ZBTB7C: variants seen among roughly 807,000 people sequenced by gnomAD.
ZBTB7C encodes the protein zinc finger and BTB domain-containing protein 7C.
Under a neutral mutation model 25.7 loss-of-function variants are expected in ZBTB7C, and 8 were observed. That is an observed-to-expected ratio of 0.31 (90% confidence interval 0.18 to 0.56). The LOEUF (loss-of-function observed/expected upper bound fraction) is 0.56, where lower values mean the gene tolerates loss of function less well. Ranked by LOEUF, ZBTB7C falls within the 20% of genes least tolerant of loss-of-function variation. The pLI is 0.91. For synonymous variants in ZBTB7C, 394 were observed against 369.0 expected (o/e 1.07, Z -0.78); for missense variants, 824 against 855.2 (o/e 0.96, Z 0.46).
At chr18:48,209,389 T>G (rs1367182929) in intron 2 of ZBTB7C, among the ~76,000 whole-genome samples, 1 of 152,250 alleles carries the variant, frequency 6.6e-6, no homozygotes, top group Non-Finnish European at 1.5e-5. Context: ...AATTCTGCTT[T>G]TAACAAACTT....
chr18:48,040,205 TG>T lies in ZBTB7C; in HGVS notation c.902del (p.Pro301HisfsTer38). On this transcript the variant is annotated frameshift_variant, in exon 4 of 5. Transcript: ENST00000590800. LOFTEE classifies it high-confidence loss of function. Reference sequence around the variant, plus strand: ...AGAAGTCATTAGGGAAGGGTGGCGGTGGGGGTGGGGGCAGCTCCTCCTTCTC... The same window carrying T: ...AGAAGTCATTAGGGAAGGGTGGCGGTGGGGTGGGGGCAGCTCCTCCTTCTC... ...EEEKEELPPP[P>X]PPPFPNDFFK... The T allele has an allele frequency of 6.4e-7, 1 of 1,569,746 alleles. No individual in the cohort carries two copies. Among genetic ancestry groups the T allele is most frequent in the Non-Finnish European group, 8.6e-7 (1 of 1,160,090 alleles).
At chr18:48,111,955 G>C (rs905974598) in intron 3 of ZBTB7C, among the ~76,000 whole-genome samples, 8 of 152,096 alleles carry the variant, frequency 5.3e-5, no homozygotes, top group African/African-American at 1.9e-4. Flanking sequence ...AAAATGGTTT[G>C]TTAAATAATA....
At chr18:48,108,495 C>A (rs1400863495) in intron 3 of ZBTB7C, among the ~76,000 whole-genome samples, 1 of 152,120 alleles carries the variant, frequency 6.6e-6, no homozygotes, top group Non-Finnish European at 1.5e-5. Context: ...TGCAGTGGCA[C>A]AATCGTAGCT....
intron 2 of ZBTB7C, among the ~76,000 whole-genome samples, chr18:48,222,835 G>A (rs1404583450): frequency 6.6e-6 from 1 of 152,210 alleles, no homozygotes; most frequent in Non-Finnish European, 1.5e-5. Context: ...ACCAGCTCTG[G>A]AAGCCTTGCC....
upstream of ZBTB7C, among the ~76,000 whole-genome samples, chr18:48,409,581 C>T (rs1403614123): frequency 6.7e-6 from 1 of 149,550 alleles, no homozygotes. Context: ...CGCCCGCCCC[C>T]TCCCCGCCGC....
At chr18:48,353,292 A>G (rs9964069) in intron 1 of ZBTB7C, among the ~76,000 whole-genome samples, 94,713 of 151,948 alleles carry the variant, frequency 0.62, 30,123 homozygotes, top group East Asian at 0.95. Context: ...CAAATAGAGT[A>G]TTCTATTTAC....
intron 3 of ZBTB7C, among the ~76,000 whole-genome samples, chr18:48,103,831 C>A (rs2038933646): frequency 6.6e-6 from 1 of 151,682 alleles, no homozygotes; most frequent in African/African-American, 2.4e-5. Context: ...AAGAGGCCAG[C>A]CACCAAGGAC....
intron 3 of ZBTB7C, among the ~76,000 whole-genome samples, chr18:48,061,218 T>C (rs2037114763): frequency 6.6e-6 from 1 of 151,880 alleles, no homozygotes; most frequent in East Asian, 1.9e-4. Flanking sequence ...GAGAAAAGGG[T>C]CATGAGGAAG....
At chr18:48,193,580 C>T (rs1232966100) in intron 2 of ZBTB7C, among the ~76,000 whole-genome samples, 2 of 152,180 alleles carry the variant, frequency 1.3e-5, no homozygotes, top group South Asian at 4.1e-4. Context: ...TAGGAGAAAC[C>T]TTGTGTTTGT....
At chr18:48,086,988 A>G (rs1335780763) in intron 3 of ZBTB7C, among the ~76,000 whole-genome samples, 1 of 152,010 alleles carries the variant, frequency 6.6e-6, no homozygotes, top group Non-Finnish European at 1.5e-5. Flanking sequence ...TTTTTCAGTA[A>G]CTCCTCCCAG....
intron 3 of ZBTB7C, among the ~76,000 whole-genome samples, chr18:48,117,739 T>A (rs186223278): frequency 3.7e-4 from 57 of 152,270 alleles, no homozygotes; most frequent in African/African-American, 1.1e-3. Flanking sequence ...GCCTTTATGG[T>A]GTCTAATGAG....
Position 48,029,854 on chromosome 18 carries a change from G to A in ZBTB7C, c.1266C>T (p.Cys422=), listed in dbSNP as rs781069515. ...RKHTGERPYL[C]IHCNAKFVHN... ...GCACGAACTTGGCGTTGCAGTGGAT[G>A]CACAGGTAGGGCCGCTCCCCTGTGT... Residue 422 remains cysteine (C), a synonymous_variant, in exon 5 of 5, where the codon TGC becomes TGT. Coordinates refer to ENST00000590800, the MANE Select transcript of ZBTB7C (RefSeq NM_001318841.2). The A allele has an allele frequency of 1.9e-6, 3 of 1,611,000 alleles. No individual in the cohort carries two copies. The Admixed American group carries it at 5.0e-5, about 27-fold the overall frequency.
intron 1 of ZBTB7C, among the ~76,000 whole-genome samples, chr18:48,367,950 C>T (rs1231076347): frequency 4.0e-5 from 6 of 150,152 alleles, no homozygotes; most frequent in African/African-American, 1.5e-4. Flanking sequence ...CATGGTGCCC[C>T]CAGCCCTCCA....
intron 3 of ZBTB7C, among the ~76,000 whole-genome samples, chr18:48,179,931 C>T (rs1247761398): frequency 1.7e-5 from 2 of 118,626 alleles, no homozygotes; most frequent in South Asian, 2.6e-4. Flanking sequence ...CCTTCCTTCC[C>T]TGCTTCCTTC....
chr18:48,373,289 C>T (rs959520978), intron 1 of ZBTB7C, among the ~76,000 whole-genome samples: 1 of 151,598 alleles, frequency 6.6e-6, no homozygotes, highest in Non-Finnish European at 1.5e-5. Context: ...ACCTCCTGAC[C>T]CCTCTTGCTC....
chr18:48,389,461 ATTTTTT>A (rs138527928), intron 1 of ZBTB7C, among the ~76,000 whole-genome samples: 1 of 97,658 alleles, frequency 1.0e-5, no homozygotes, highest in African/African-American at 4.0e-5. Context: ...TGACTCTTGG[ATTTTTT>A]TTTTTTTTTT....
intron 3 of ZBTB7C, among the ~76,000 whole-genome samples, chr18:48,170,242 C>T (rs1211767761): frequency 3.3e-5 from 5 of 152,238 alleles, no homozygotes; most frequent in African/African-American, 1.2e-4. Context: ...ATGATGGGCA[C>T]CTGCTTGCCA....
intron 1 of ZBTB7C, among the ~76,000 whole-genome samples, chr18:48,377,043 G>A (rs1203436729): frequency 2.0e-5 from 3 of 152,170 alleles, no homozygotes; most frequent in Non-Finnish European, 4.4e-5. Flanking sequence ...AGAATCCAGG[G>A]GCTGAAAGCA....
At chr18:48,279,370 G>A (rs964137271) in intron 2 of ZBTB7C, among the ~76,000 whole-genome samples, 6 of 152,148 alleles carry the variant, frequency 3.9e-5, no homozygotes, top group Non-Finnish European at 5.9e-5. Flanking sequence ...AAAAAGGGGA[G>A]GCAAAAGAGG....
Sources: allele counts gnomAD v4.1 joint callset (sites outside exome capture counted in the v4.1 genomes callset), GRCh38; gene constraint gnomAD v4.1.1; transcripts MANE v1.5; gene names NCBI Gene and HGNC (gene_info 2026-07-23, HGNC 2026-07-21).